Variants in ERC2 observed in about 807,000 individuals in gnomAD.
ERC2 encodes the protein ELKS/RAB6-interacting/CAST family member 2, also known as ERC protein 2.
A neutral mutation model predicts 114.8 loss-of-function variants in ERC2; 42 were observed. The ratio of observed to expected loss-of-function variants is 0.37; its 90% CI spans 0.29 to 0.47. ERC2 has a LOEUF of 0.47. Among genes scored for constraint, ERC2 ranks in the 20% least tolerant of loss-of-function variants. ERC2 has a pLI of 0.99. For synonymous variants in ERC2, 454 were observed against 425.5 expected (o/e 1.07, Z -0.82); for missense variants, 939 against 1,150.7 (o/e 0.82, Z 2.66).
Position 55,859,705 on chromosome 3 carries a change from C to A in ERC2, c.2564+28684G>T, listed in dbSNP as rs535586527. Among the ~76,000 whole-genome samples, 95 of 146,730 alleles carry A rather than the reference C, an allele frequency of 6.5e-4. 2 individuals carry two copies. Among genetic ancestry groups the A allele is most frequent in the South Asian group, 5.6e-3 (25 of 4,452 alleles). ...CCACCCACCCACATCCCCACCACCA[C>A]CCCTTCTTTAAAGGAACGAAGTGTT... On this transcript the variant is annotated intron_variant, in intron 14 of 17. Transcript: ENST00000288221.
intron 17 of ERC2, among the ~76,000 whole-genome samples, chr3:55,655,070 C>T (rs1316967290): frequency 2.6e-5 from 4 of 151,756 alleles, no homozygotes; most frequent in African/African-American, 2.4e-5. Context: ...AGCCCTCGGC[C>T]GATGACCGTC....
rs36231107 is a variant in ERC2, at chr3:55,653,564, A to AGT, written c.*39+30228_*39+30229dup. Among the ~76,000 whole-genome samples the AGT allele has an allele frequency of 3.8e-3, 537 of 141,288 alleles. 4 individuals carry two copies. Among genetic ancestry groups the AGT allele is most frequent in the African/African-American group, 0.013 (483 of 38,122 alleles). 92.7% of individuals were successfully genotyped at this position (141,288 alleles called of 152,430 possible). ...ATAGAACAATCTCAAACCTGGTAAA[A>AGT]GTGTGTGTGTGTGTGTGTGTGTGTG... On this transcript the variant is annotated intron_variant, in intron 17 of 17. Coordinates refer to ENST00000288221, the MANE Select transcript of ERC2 (RefSeq NM_015576.3).
At chr3:55,915,407 T>A (rs1207633087) in intron 13 of ERC2, among the ~76,000 whole-genome samples, 1 of 152,064 alleles carries the variant, frequency 6.6e-6, no homozygotes, top group Non-Finnish European at 1.5e-5. Context: ...GCATATAAAA[T>A]CAAACTCACG....
At chr3:55,538,700 T>C (rs1026268867) in intron 17 of ERC2, among the ~76,000 whole-genome samples, 1 of 152,262 alleles carries the variant, frequency 6.6e-6, no homozygotes, top group Non-Finnish European at 1.5e-5. Flanking sequence ...AATCCCTCTC[T>C]GGCTGCTTTT....
intron 3 of ERC2, among the ~76,000 whole-genome samples, chr3:56,246,093 TAAAAA>T (rs34868223): frequency 7.1e-5 from 9 of 127,616 alleles, no homozygotes; most frequent in African/African-American, 2.3e-4. Flanking sequence ...TCAGATTCTT[TAAAAA>T]AAAAAAAAAA....
rs1212701042 is a variant in ERC2, at chr3:56,434,937, G to C, written c.71C>G (p.Ser24Cys). Residue 24 changes from serine to cysteine, a missense_variant, in exon 2 of 18, where the codon TCT (serine) becomes TGT (cysteine). Ser to Cys is a moderately radical substitution (Grantham distance 112). Around this residue, in one of 5 missense-constraint regions of ERC2, gnomAD observed 281 missense variants for 307.4 expected, o/e 0.91. Transcript: ENST00000288221. ...TGTTCTTCGGTGGCCCAAACGAGGA[G>C]ACCTTGGCAAACGAGGGGATCTGGA... is the stretch of plus-strand genomic sequence containing the variant. ...SPSRSPRLPRSPRLGHRRTSS... is the reference protein window; with the variant it reads ...SPSRSPRLPRCPRLGHRRTSS... 3 of 1,613,584 alleles carry C rather than the reference G, an allele frequency of 1.9e-6. No individual in the cohort carries two copies. In the African/African-American group the frequency reaches 4.0e-5, roughly 22 times the overall value.
At chr3:55,780,294 A>G (rs574951123) in intron 14 of ERC2, among the ~76,000 whole-genome samples, 1 of 152,354 alleles carries the variant, frequency 6.6e-6, no homozygotes, top group East Asian at 1.9e-4. Flanking sequence ...AAATCATGAA[A>G]AAGATTCCAT....
At chr3:55,727,780 A>G (rs1329476096) in intron 15 of ERC2, among the ~76,000 whole-genome samples, 1 of 152,220 alleles carries the variant, frequency 6.6e-6, no homozygotes, top group South Asian at 2.1e-4. Flanking sequence ...TTTTACTCAA[A>G]AAGAGCCCAA....
At chr3:56,349,376 C>T (rs6445782) in intron 2 of ERC2, among the ~76,000 whole-genome samples, 7,206 of 152,298 alleles carry the variant, frequency 0.047, 280 homozygotes, top group African/African-American at 0.098. Context: ...CCCACCAACC[C>T]TCCACATACA....
chr3:56,106,333 C>G (rs1177922276), intron 6 of ERC2, among the ~76,000 whole-genome samples: 4 of 152,220 alleles, frequency 2.6e-5, no homozygotes, highest in Non-Finnish European at 5.9e-5. Context: ...AGAAGTTCAC[C>G]TGTAAGCAGA....
chr3:56,075,230 T>A (rs369798028), intron 7 of ERC2, among the ~76,000 whole-genome samples: 45 of 152,266 alleles, frequency 3.0e-4, no homozygotes, highest in African/African-American at 9.6e-4. Context: ...TCTGATTAGA[T>A]CCTGCCAATG....
At chr3:56,307,254 A>G (rs2056282053) in intron 2 of ERC2, among the ~76,000 whole-genome samples, 1 of 152,232 alleles carries the variant, frequency 6.6e-6, no homozygotes, top group Non-Finnish European at 1.5e-5. Flanking sequence ...TGAAATCATC[A>G]CCTACCAGGT....
chr3:55,846,038 G>A (rs573753760), intron 14 of ERC2, among the ~76,000 whole-genome samples: 21 of 152,308 alleles, frequency 1.4e-4, no homozygotes, highest in Non-Finnish European at 2.5e-4. Context: ...GTGCAGTTTC[G>A]TTATATAGGT....
At chr3:56,140,262 A>C (rs2080773928) in intron 5 of ERC2, among the ~76,000 whole-genome samples, 1 of 152,156 alleles carries the variant, frequency 6.6e-6, no homozygotes, top group Non-Finnish European at 1.5e-5. Context: ...AGAATTACCC[A>C]TGTCCTATCC....
intron 6 of ERC2, among the ~76,000 whole-genome samples, chr3:56,083,007 A>T (rs1004871128): frequency 6.6e-6 from 1 of 152,130 alleles, no homozygotes; most frequent in African/African-American, 2.4e-5. Context: ...TCTGTGGAAA[A>T]ACTGTCTTCC....
intron 2 of ERC2, among the ~76,000 whole-genome samples, chr3:56,383,076 C>T (rs1279885488): frequency 2.0e-5 from 3 of 152,054 alleles, no homozygotes; most frequent in African/African-American, 7.2e-5. Flanking sequence ...CCAGCTTTAT[C>T]ATCAAATACT....
At chr3:55,902,122 A>G (rs2064169060) in intron 13 of ERC2, among the ~76,000 whole-genome samples, 1 of 152,208 alleles carries the variant, frequency 6.6e-6, no homozygotes, top group Admixed American at 6.5e-5. Context: ...AATTCAGGTA[A>G]GTAAAAAAAT....
At chr3:55,944,248 C>A (rs1336113339) in intron 13 of ERC2, among the ~76,000 whole-genome samples, 3 of 152,230 alleles carry the variant, frequency 2.0e-5, no homozygotes, top group Non-Finnish European at 4.4e-5. Flanking sequence ...CAAACATTCA[C>A]TTTGCCAAGG....
At chr3:56,063,686 T>G (rs1472462227) in intron 7 of ERC2, among the ~76,000 whole-genome samples, 1 of 152,170 alleles carries the variant, frequency 6.6e-6, no homozygotes, top group East Asian at 1.9e-4. Context: ...GCCAGGCCTG[T>G]CACAGTTCAT....
Sources: allele counts gnomAD v4.1 joint callset (sites outside exome capture counted in the v4.1 genomes callset), GRCh38; gene constraint gnomAD v4.1.1; regional missense constraint gnomAD v4.1.1; transcripts MANE v1.5; gene names NCBI Gene and HGNC (gene_info 2026-07-23, HGNC 2026-07-21).